SRBD1: variants seen among roughly 807,000 people sequenced by gnomAD.
SRBD1 encodes the protein S1 RNA binding domain 1.
SRBD1 carries 88 observed loss-of-function variants against 115.3 expected under a neutral mutation model. The ratio of observed to expected loss-of-function variants is 0.76; its 90% CI spans 0.64 to 0.91. The LOEUF (loss-of-function observed/expected upper bound fraction) is 0.91, where lower values mean the gene tolerates loss of function less well. Ranked by LOEUF, SRBD1 falls within the 40% of genes least tolerant of loss-of-function variation. The pLI is 0.00. For missense variants in SRBD1, 1,385 were observed against 1,177.4 expected, an observed-to-expected ratio of 1.18 and a Z score of -2.58; for synonymous variants, 509 against 407.7, an observed-to-expected ratio of 1.25 and a Z score of -2.99.
At chr2:45,482,012 G>C (rs1669981513) in intron 15 of SRBD1, among the ~76,000 whole-genome samples, 1 of 152,078 alleles carries the variant, frequency 6.6e-6, no homozygotes, top group African/African-American at 2.4e-5. Context: ...TTTCTTTTTA[G>C]GATGAAGTTA....
intron 19 of SRBD1, among the ~76,000 whole-genome samples, chr2:45,400,849 G>C (rs1177735624): frequency 6.6e-6 from 1 of 152,102 alleles, no homozygotes; most frequent in African/African-American, 2.4e-5. Context: ...AGTTCAAACA[G>C]CCATGATTTG....
chr2:45,548,472 T>C (rs919997107), intron 12 of SRBD1, among the ~76,000 whole-genome samples: 1 of 152,002 alleles, frequency 6.6e-6, no homozygotes, highest in African/African-American at 2.4e-5. Flanking sequence ...TGAAAACAGA[T>C]AATTAGAAAT....
intron 14 of SRBD1, among the ~76,000 whole-genome samples, chr2:45,525,078 T>C (rs1431055027): frequency 6.6e-6 from 1 of 151,890 alleles, no homozygotes; most frequent in Non-Finnish European, 1.5e-5. Flanking sequence ...GACTACTGGA[T>C]AGCCACAGGC....
intron 10 of SRBD1, among the ~76,000 whole-genome samples, chr2:45,562,023 T>C (rs1047154735): frequency 3.9e-5 from 6 of 152,212 alleles, no homozygotes; most frequent in African/African-American, 1.4e-4. Flanking sequence ...AGGGAAAAGA[T>C]GATCTTACAA....
At chr2:45,404,600 C>T (rs187610035) in intron 19 of SRBD1, among the ~76,000 whole-genome samples, 3 of 152,256 alleles carry the variant, frequency 2.0e-5, no homozygotes, top group Admixed American at 2.0e-4. Context: ...ACACTTCTCA[C>T]CATGTCTTCT....
intron 14 of SRBD1, chr2:45,546,428 T>C (rs1672121253): frequency 1.2e-6 from 1 of 823,516 alleles, no homozygotes; most frequent in African/African-American, 1.9e-5. Flanking sequence ...ATTCTACTTA[T>C]TATTCAATAG....
intron 16 of SRBD1, among the ~76,000 whole-genome samples, chr2:45,433,663 C>A (rs1196170065): frequency 6.6e-6 from 1 of 152,150 alleles, no homozygotes; most frequent in East Asian, 1.9e-4. Flanking sequence ...TTAATCAAAT[C>A]CGGTAAACAA....
chr2:45,414,786 ATAG>A (rs1466259453), intron 18 of SRBD1, among the ~76,000 whole-genome samples: 1 of 73,914 alleles, frequency 1.4e-5, no homozygotes, highest in African/African-American at 4.1e-5. Context: ...ACACACACAC[ATAG>A]TGTGTATATA....
chr2:45,420,066 C>A (rs1046266346), intron 16 of SRBD1, among the ~76,000 whole-genome samples, 172 bp from the exon 17 acceptor site: 4 of 146,174 alleles, frequency 2.7e-5, no homozygotes, highest in Non-Finnish European at 5.9e-5. Context: ...TCTGTGGCTT[C>A]TTACTCTTTT....
At position 45,574,705 on chromosome 2, in the gene SRBD1, T is replaced by C. The variant is rs774244348; in HGVS notation, c.1091A>G (p.Asp364Gly). 1 of 1,612,924 alleles carries C rather than the reference T, an allele frequency of 6.2e-7. No individual in the cohort carries two copies. The highest frequency in any genetic ancestry group is 1.1e-5 in the South Asian group (1 of 90,754). The change falls in exon 8 of 21, where the codon GAT (aspartate) becomes GGT (glycine). Residue 364 changes from aspartate (D) to glycine (G), a missense_variant. Transcript: ENST00000263736. ...PDVKGLSTLQ[D>G]IEIGVQHILA... ...AATATGCTGCACTCCTATTTCAATA[T>C]CCTGAAGCGTTGAAAGCCCTTTAGG...
chr2:45,446,951 A>G (rs1668843343), intron 16 of SRBD1, among the ~76,000 whole-genome samples: 1 of 152,188 alleles, frequency 6.6e-6, no homozygotes, highest in Non-Finnish European at 1.5e-5. Flanking sequence ...TGAACTTAGA[A>G]CATTTACTTC....
chr2:45,533,245 A>G (rs545925697), intron 14 of SRBD1, among the ~76,000 whole-genome samples: 2 of 152,164 alleles, frequency 1.3e-5, no homozygotes, highest in Admixed American at 1.3e-4. Flanking sequence ...AAGAGCTAAC[A>G]CTGCTTAATA....
At chr2:45,429,319 CA>C (rs1668259736) in intron 16 of SRBD1, among the ~76,000 whole-genome samples, 1 of 151,888 alleles carries the variant, frequency 6.6e-6, no homozygotes, top group African/African-American at 2.4e-5. Context: ...ATCCTGATAC[CA>C]AAACCTGGCA....
rs1240091545 is a variant in SRBD1 at position 45,537,929 on chromosome 2, G to A, written c.1874+8803C>T. Among the ~76,000 whole-genome samples, 7 of 152,188 alleles carry A rather than the reference G, an allele frequency of 4.6e-5. No individual in the cohort carries two copies. The East Asian group carries it at 1.3e-3, about 29-fold the overall frequency. ...ATAGGTGCAAGCCTAAGGTATGAGA[G>A]AGAAAATTTAAAAGGGAGACAGCTG... On this transcript the variant is annotated intron_variant, in intron 14 of 20. Coordinates refer to ENST00000263736, the MANE Select transcript of SRBD1 (RefSeq NM_018079.5).
At chr2:45,515,008 A>G (rs528702103) in intron 14 of SRBD1, among the ~76,000 whole-genome samples, 68 of 152,310 alleles carry the variant, frequency 4.5e-4, no homozygotes, top group Middle Eastern at 6.8e-3. Flanking sequence ...TTTAAAAGGA[A>G]TTTCTGTATT....
chr2:45,556,606 A>C (rs1672486650), intron 10 of SRBD1, among the ~76,000 whole-genome samples: 6 of 151,670 alleles, frequency 4.0e-5, no homozygotes, highest in South Asian at 2.1e-4. Context: ...GGGACTACAG[A>C]CGTGCGCCAT....
At chr2:45,451,912 G>A (rs1190746389) in intron 16 of SRBD1, among the ~76,000 whole-genome samples, 1 of 151,786 alleles carries the variant, frequency 6.6e-6, no homozygotes, top group African/African-American at 2.4e-5. Flanking sequence ...AATAAAATGA[G>A]AGGTAAAAAT....
intron 4 of SRBD1, among the ~76,000 whole-genome samples, chr2:45,598,798 G>A (rs1673989174): frequency 6.6e-6 from 1 of 151,872 alleles, no homozygotes; most frequent in Admixed American, 6.6e-5. Context: ...ATAACAGGGA[G>A]GGAAGTCACC....
chr2:45,487,025 A>G (rs1480404123), intron 15 of SRBD1, among the ~76,000 whole-genome samples: 4 of 152,162 alleles, frequency 2.6e-5, no homozygotes, highest in African/African-American at 9.7e-5. Flanking sequence ...TCCCAGGAGA[A>G]GCAAGATTTT....
Sources: gnomAD v4.1 joint callset for allele counts (sites outside exome capture counted in the v4.1 genomes callset) on GRCh38, gnomAD v4.1.1 for gene constraint, MANE v1.5 for transcripts, NCBI Gene and HGNC (gene_info 2026-07-23, HGNC 2026-07-21) for gene names.